NTRK2: variants seen among roughly 807,000 people sequenced by gnomAD.
NTRK2 encodes the protein BDNF/NT-3 growth factors receptor.
A neutral mutation model predicts 94.5 loss-of-function variants in NTRK2; 13 were observed. The observed-to-expected ratio is 0.14, with a 90% CI of 0.09 to 0.22. The LOEUF is 0.22. Among genes scored for constraint, NTRK2 ranks in the 10% least tolerant of loss-of-function variants. The pLI is 1.00. For missense variants in NTRK2, 639 were observed against 1,071.2 expected, an observed-to-expected ratio of 0.60 and a Z score of 5.63; for synonymous variants, 372 against 407.4, an observed-to-expected ratio of 0.91 and a Z score of 1.05.
At chr9:84,810,636 C>T in intron 12 of NTRK2, 1 of 1,612,922 alleles carries the variant, frequency 6.2e-7, no homozygotes, top group Non-Finnish European at 8.5e-7. Context: ...TTGATGCTGC[C>T]ATGTAAGCTG....
At position 84,724,234 on chromosome 9, in the gene NTRK2, G is replaced by A. The variant is rs779338307; in HGVS notation, c.731G>A (p.Ser244Asn). 3 of 1,614,116 alleles carry A rather than the reference G, an allele frequency of 1.9e-6. No individual in the cohort carries two copies. In the South Asian group the frequency reaches 3.3e-5, roughly 18 times the overall value. ...NLVSKHMNET[S>N]HTQGSLRITN... ...TTAATTCATTTGTAGAATGAAACAA[G>A]CCACACACAGGGCTCCTTAAGGATA... The change falls in exon 8 of 19, where the codon AGC becomes AAC. Residue 244 changes from serine to asparagine, a missense_variant. This residue lies in a region of NTRK2 where 343 missense variants were observed against 571.5 expected (regional missense o/e 0.60). Transcript: ENST00000277120.
chr9:84,860,093 T>C (rs770290466), intron 12 of NTRK2, among the ~76,000 whole-genome samples: 4 of 152,224 alleles, frequency 2.6e-5, no homozygotes, highest in Non-Finnish European at 4.4e-5. Context: ...TTCATTTAAA[T>C]TGATTCCTCT....
intron 14 of NTRK2, among the ~76,000 whole-genome samples, chr9:84,917,499 G>A (rs1037164885): frequency 1.3e-5 from 2 of 152,182 alleles, no homozygotes; most frequent in Non-Finnish European, 2.9e-5. Context: ...TTGAGGTGCT[G>A]AAGATATCAT....
chr9:85,012,412 C>T (rs1268768996), intron 17 of NTRK2, among the ~76,000 whole-genome samples: 1 of 152,152 alleles, frequency 6.6e-6, no homozygotes, highest in Non-Finnish European at 1.5e-5. Flanking sequence ...ACAACCACGA[C>T]ATAGAACATT....
chr9:84,731,722 A>G (rs1383577507), intron 9 of NTRK2, among the ~76,000 whole-genome samples: 1 of 152,126 alleles, frequency 6.6e-6, no homozygotes, highest in Non-Finnish European at 1.5e-5. Context: ...TTCGACCTCA[A>G]GACAGCGGCA....
At chr9:84,906,465 G>A (rs1048071833) in intron 14 of NTRK2, among the ~76,000 whole-genome samples, 2 of 152,218 alleles carry the variant, frequency 1.3e-5, no homozygotes, top group African/African-American at 4.8e-5. Context: ...GACTGCTAGG[G>A]TATGGGTTGA....
At chr9:84,762,214 G>A (rs1220545660) in intron 12 of NTRK2, among the ~76,000 whole-genome samples, 1 of 152,140 alleles carries the variant, frequency 6.6e-6, no homozygotes, top group Non-Finnish European at 1.5e-5. Flanking sequence ...AGCAGCATGA[G>A]AACAGACTAA....
intron 15 of NTRK2, among the ~76,000 whole-genome samples, chr9:84,943,682 T>C (rs1395751662): frequency 2.0e-5 from 3 of 152,182 alleles, no homozygotes; most frequent in African/African-American, 7.2e-5. Flanking sequence ...TGCCACCCGA[T>C]ATTCATGGCC....
intron 14 of NTRK2, among the ~76,000 whole-genome samples, chr9:84,922,184 C>G (rs1239143665): frequency 6.6e-6 from 1 of 152,184 alleles, no homozygotes; most frequent in Non-Finnish European, 1.5e-5. Flanking sequence ...TTTGTTCTTT[C>G]ATGCGGACAC....
intron 17 of NTRK2, among the ~76,000 whole-genome samples, chr9:85,015,370 T>C (rs1832102811): frequency 6.6e-6 from 1 of 152,184 alleles, no homozygotes. Context: ...ATGAATTTCT[T>C]ATTTGTAGCA....
intron 2 of NTRK2, among the ~76,000 whole-genome samples, chr9:84,679,618 C>A (rs996740271): frequency 1.3e-5 from 2 of 152,158 alleles, no homozygotes; most frequent in African/African-American, 4.8e-5. Context: ...TCATCTTGAA[C>A]CTGGAGGCTG....
intron 2 of NTRK2, among the ~76,000 whole-genome samples, chr9:84,689,568 G>T (rs2059919391): frequency 6.6e-6 from 1 of 151,820 alleles, no homozygotes; most frequent in Non-Finnish European, 1.5e-5. Flanking sequence ...TTAGTTGTAA[G>T]GCCTTTAAAA....
intron 12 of NTRK2, among the ~76,000 whole-genome samples, chr9:84,784,441 G>A (rs141354251): frequency 6.6e-6 from 1 of 152,138 alleles, no homozygotes; most frequent in South Asian, 2.1e-4. Flanking sequence ...TGGACAATGG[G>A]AATGGTACTC....
At chr9:84,862,751 A>T (rs1030041804) in intron 13 of NTRK2, among the ~76,000 whole-genome samples, 2 of 152,162 alleles carry the variant, frequency 1.3e-5, no homozygotes, top group African/African-American at 4.8e-5. Flanking sequence ...TAAAAGGCAG[A>T]GGAGGGAAGG....
intron 14 of NTRK2, chr9:84,874,822 T>C: frequency 9.5e-7 from 1 of 1,057,988 alleles, no homozygotes; most frequent in Non-Finnish European, 1.1e-6. Context: ...GCAGTTCCTG[T>C]TATGTGAAAC....
At chr9:85,009,553 G>A (rs1309040501) in intron 17 of NTRK2, among the ~76,000 whole-genome samples, 1 of 152,182 alleles carries the variant, frequency 6.6e-6, no homozygotes, top group Non-Finnish European at 1.5e-5. Context: ...TATTTTATCT[G>A]TAAGTATATC....
rs77510009 is a variant in NTRK2, at chr9:84,773,782, C to A, written c.1396+21697C>A. Among the ~76,000 whole-genome samples, 1,381 of 152,166 alleles carry A rather than the reference C, an allele frequency of 9.1e-3. 23 individuals are homozygous for A. The highest frequency in any genetic ancestry group is 0.031 in the African/African-American group (1,290 of 41,510). ...AAAGCATCTTTTTTTTCCCCTTTCA[C>A]TTCAAAAAGAACACTTAACACTCTT... On this transcript the variant is annotated intron_variant, in intron 12 of 18. Transcript: ENST00000277120.
rs2072327327 is a variant in NTRK2 at position 84,815,657 on chromosome 9, G to T, written c.1397-45383G>T. 5 of 993,358 alleles carry T rather than the reference G, an allele frequency of 5.0e-6. No individual in the cohort carries two copies. In the South Asian group the frequency reaches 2.4e-4, roughly 47 times the overall value. The allele number at this position is 993,358 out of a possible 1,614,324, so 61.5% of individuals were successfully genotyped here. On this transcript the variant is annotated intron_variant, in intron 12 of 18. Transcript: ENST00000277120. The stretch of plus-strand genomic sequence containing the variant: ...ATGTAGATAGATCATAAATGTACTT[G>T]CTGAATTCAATCATTTTTAACAAGC...
intron 4 of NTRK2, among the ~76,000 whole-genome samples, chr9:84,707,170 T>A (rs2061156417): frequency 1.3e-5 from 2 of 152,342 alleles, no homozygotes; most frequent in African/African-American, 4.8e-5. Flanking sequence ...AATTATTATT[T>A]TTTTTAGTCA....
Sources: gnomAD v4.1 joint callset for allele counts (sites outside exome capture counted in the v4.1 genomes callset) on GRCh38, gnomAD v4.1.1 for gene constraint, gnomAD v4.1.1 regional missense constraint, MANE v1.5 for transcripts, NCBI Gene and HGNC (gene_info 2026-07-23, HGNC 2026-07-21) for gene names.